Variants in TFDP2 observed in about 807,000 individuals in gnomAD.
TFDP2 encodes transcription factor Dp-2, also known as transcription factor Dp-2 (E2F dimerization partner 2).
In TFDP2, 17 loss-of-function variants were observed where a neutral mutation model predicts 59.3. That is an observed-to-expected ratio of 0.29 (90% CI 0.20 to 0.43). TFDP2 has a LOEUF of 0.43. Among genes scored for constraint, TFDP2 ranks in the 20% least tolerant of loss-of-function variants. The pLI, the probability that TFDP2 is intolerant of heterozygous loss-of-function variation, is 1.00. For missense variants in TFDP2, 391 were observed against 528.8 expected (o/e 0.74, Z 2.56); for synonymous variants, 180 against 194.7 (o/e 0.92, Z 0.63).
At chr3:142,006,656 G>A (rs1024202247) in intron 3 of TFDP2, among the ~76,000 whole-genome samples, 1 of 151,882 alleles carries the variant, frequency 6.6e-6, no homozygotes, top group African/African-American at 2.4e-5. Flanking sequence ...TTGTAGAGAT[G>A]GGGTCTTGCC....
intron 11 of TFDP2, among the ~76,000 whole-genome samples, chr3:141,954,255 TG>T (rs1416794831): frequency 6.6e-6 from 1 of 152,246 alleles, no homozygotes; most frequent in African/African-American, 2.4e-5. Context: ...ATGACAACAC[TG>T]ATCAATTCTT....
At chr3:142,012,546 G>A (rs554000024) in intron 3 of TFDP2, among the ~76,000 whole-genome samples, 14 of 152,096 alleles carry the variant, frequency 9.2e-5, no homozygotes, top group Non-Finnish European at 5.9e-5. Context: ...CAATTTAAGT[G>A]TTTAAACATC....
Position 142,061,842 on chromosome 3 carries a change from T to C in TFDP2, c.82+31219A>G, listed in dbSNP as rs79565110. 3.3e-3 allele frequency among the ~76,000 whole-genome samples: 501 copies of C among 151,322 alleles called. 3 individuals carry two copies. Among genetic ancestry groups the C allele is most frequent in the Non-Finnish European group, 5.7e-3 (384 of 67,838 alleles). On this transcript the variant is annotated intron_variant, in intron 3 of 12. Coordinates refer to ENST00000489671, the MANE Select transcript of TFDP2 (RefSeq NM_001178139.2). Reference sequence around the variant, plus strand: ...CACAGGATTTCTTGACCTACATAACTGTATGAGCCAATCCCTATAATCAAT... The same window carrying C: ...CACAGGATTTCTTGACCTACATAACCGTATGAGCCAATCCCTATAATCAAT...
rs1301876887 is a variant in TFDP2, at chr3:142,056,706, C to T, written c.82+36355G>A. ...GGACCCTGAAAAAGTATGTTATTTG[C>T]TGCCCTGTGGAGACAACCATGTGAC... On this transcript the variant is annotated intron_variant, in intron 3 of 12. Transcript: ENST00000489671. Among the ~76,000 whole-genome samples the T allele has an allele frequency of 2.0e-5, 3 of 152,288 alleles. No individual in the cohort carries two copies. In the East Asian group the frequency reaches 5.8e-4, roughly 29 times the overall value.
Position 141,950,771 on chromosome 3 carries a change from G to A in TFDP2, c.*1742C>T, listed in dbSNP as rs757105101. ...CTGAAAGATTCCCTGCAGGCCCCTG[G>A]GGACCTGCTGTCACCTCCCCAGTGT... On this transcript the variant is annotated 3_prime_UTR_variant, in exon 13 of 13. Coordinates refer to ENST00000489671, the MANE Select transcript of TFDP2 (RefSeq NM_001178139.2). The A allele has an allele frequency of 8.5e-5, 13 of 152,566 alleles. No individual in the cohort carries two copies. The highest frequency in any genetic ancestry group is 1.3e-4 in the Non-Finnish European group (9 of 68,036). The allele number at this position is 152,566 out of a possible 1,614,324, so 9.5% of individuals were successfully genotyped here.
intron 1 of TFDP2, among the ~76,000 whole-genome samples, chr3:142,141,182 G>T (rs971449322): frequency 6.6e-6 from 1 of 152,190 alleles, no homozygotes; most frequent in East Asian, 1.9e-4. Flanking sequence ...AGCCAGGCAC[G>T]GGAGAGAATC....
intron 3 of TFDP2, among the ~76,000 whole-genome samples, chr3:142,069,404 T>C (rs945812798): frequency 2.0e-5 from 3 of 152,240 alleles, no homozygotes; most frequent in African/African-American, 7.2e-5. Flanking sequence ...GATTAACTTT[T>C]ATTTCCTAAA....
intron 1 of TFDP2, among the ~76,000 whole-genome samples, chr3:142,112,371 C>T (rs1050726688): frequency 2.6e-5 from 4 of 152,122 alleles, no homozygotes; most frequent in Non-Finnish European, 5.9e-5. Context: ...AAAAAAAATT[C>T]CCCAGAGCTC....
At chr3:142,111,285 C>A (rs566368563) in intron 1 of TFDP2, among the ~76,000 whole-genome samples, 1 of 151,656 alleles carries the variant, frequency 6.6e-6, no homozygotes, top group African/African-American at 2.4e-5. Context: ...AAAAATTAGC[C>A]GGGTGTGGTG....
chr3:141,959,142 G>C (rs1937053522), intron 11 of TFDP2, among the ~76,000 whole-genome samples: 1 of 151,798 alleles, frequency 6.6e-6, no homozygotes, highest in Non-Finnish European at 1.5e-5. Context: ...TTTTAGTAGA[G>C]ACAGGGTTTC....
chr3:142,048,594 C>A (rs907698504), intron 3 of TFDP2, among the ~76,000 whole-genome samples: 8 of 152,056 alleles, frequency 5.3e-5, no homozygotes, highest in African/African-American at 1.9e-4. Flanking sequence ...TTTATAGGGT[C>A]TCGCTCTTTT....
intron 8 of TFDP2, among the ~76,000 whole-genome samples, chr3:141,973,123 A>ATTTTTTTTT (rs761950988): frequency 1.0e-4 from 6 of 58,000 alleles, no homozygotes; most frequent in Non-Finnish European, 2.2e-4. Flanking sequence ...ATATATATAT[A>ATTTTTTTTT]TTTTTTTTTT....
intron 3 of TFDP2, among the ~76,000 whole-genome samples, chr3:142,027,864 G>A (rs1185938105): frequency 6.6e-6 from 1 of 151,928 alleles, no homozygotes; most frequent in Admixed American, 6.6e-5. Context: ...TAACATAATG[G>A]CAGTCACTAC....
At chr3:141,987,290 TGTGTG>T (rs750376670) in intron 6 of TFDP2, among the ~76,000 whole-genome samples, 1 of 151,424 alleles carries the variant, frequency 6.6e-6, no homozygotes, top group Admixed American at 6.6e-5. Flanking sequence ...TGTGTGTGTG[TGTGTG>T]TGTTTTAGCC....
At chr3:142,079,322 CA>C (rs111890816) in intron 3 of TFDP2, among the ~76,000 whole-genome samples, 1 of 151,886 alleles carries the variant, frequency 6.6e-6, no homozygotes, top group African/African-American at 2.4e-5. Flanking sequence ...AAACAAAAAA[CA>C]CACAATCAGA....
At chr3:142,006,467 C>CTCT (rs748036955) in intron 3 of TFDP2, among the ~76,000 whole-genome samples, 1 of 126,806 alleles carries the variant, frequency 7.9e-6, no homozygotes, top group African/African-American at 3.6e-5. Flanking sequence ...AATTCCCTTA[C>CTCT]TATTTTTTTT....
intron 7 of TFDP2, 38 bp from the exon 8 acceptor site, chr3:141,974,229 G>A: frequency 6.5e-7 from 1 of 1,536,556 alleles, no homozygotes; most frequent in Non-Finnish European, 8.8e-7. Context: ...TAAATCTTAA[G>A]GGTTAAGATA....
At chr3:141,989,969 C>T (rs1576600579) in intron 6 of TFDP2, among the ~76,000 whole-genome samples, 1 of 151,938 alleles carries the variant, frequency 6.6e-6, no homozygotes, top group East Asian at 1.9e-4. Flanking sequence ...ACTTGGCTCA[C>T]TGCAACCTCT....
chr3:141,954,776 G>C (rs1466146797), intron 11 of TFDP2, among the ~76,000 whole-genome samples: 1 of 152,078 alleles, frequency 6.6e-6, no homozygotes, highest in Non-Finnish European at 1.5e-5. Context: ...CTCAGAAAAT[G>C]TAATCTGCCA....
Sources: allele counts gnomAD v4.1 joint callset (sites outside exome capture counted in the v4.1 genomes callset), GRCh38; gene constraint gnomAD v4.1.1; transcripts MANE v1.5; gene names NCBI Gene and HGNC (gene_info 2026-07-23, HGNC 2026-07-21).